The following JAKMIP1 variants were observed in gnomAD, a reference collection of about 807,000 sequenced individuals.
The protein encoded by JAKMIP1 is janus kinase and microtubule-interacting protein 1.
JAKMIP1 carries 33 observed loss-of-function variants against 113.0 expected under a neutral mutation model. The observed-to-expected ratio is 0.29, with a 90% CI of 0.22 to 0.39. JAKMIP1 has a LOEUF of 0.39. JAKMIP1 is among the 10% of genes least tolerant of loss of function. The pLI, the probability that JAKMIP1 is intolerant of heterozygous loss-of-function variation, is 1.00. For missense variants in JAKMIP1, 813 were observed against 1,080.5 expected, an observed-to-expected ratio of 0.75 and a Z score of 3.47; for synonymous variants, 480 against 459.9, an observed-to-expected ratio of 1.04 and a Z score of -0.56.
intron 18 of JAKMIP1, among the ~76,000 whole-genome samples, chr4:6,036,934 G>GCAGAGGC (rs1264613288): frequency 1.9e-4 from 29 of 150,548 alleles, no homozygotes; most frequent in African/African-American, 5.6e-4. Flanking sequence ...CATCACCGAG[G>GCAGAGGC]TAGAGGCTAA....
intron 3 of JAKMIP1, among the ~76,000 whole-genome samples, chr4:6,098,739 G>GAAAGA (rs11388120): frequency 0.065 from 498 of 7,658 alleles, 5 homozygotes; most frequent in Non-Finnish European, 0.086. Flanking sequence ...AGAAAGAGAA[G>GAAAGA]GAAGGAAGGA....
rs1553864698 is a variant in JAKMIP1 at position 6,183,506 on chromosome 4, A to AAATT, written c.-148+16743_-148+16746dup. 6.6e-6 allele frequency among the ~76,000 whole-genome samples: 1 copy of AAATT among 151,172 alleles called. No homozygotes were observed. Among genetic ancestry groups the AAATT allele is most frequent in the African/African-American group, 2.4e-5 (1 of 41,110 alleles). On this transcript the variant is annotated intron_variant, in intron 1 of 20. Coordinates refer to ENST00000409021, the MANE Select transcript of JAKMIP1 (RefSeq NM_001099433.2). This position sits in a 1 kb window ranked among gnomAD's most constrained non-coding sequence, Gnocchi z 5.3. ...TAAATAAATAAATAAATAAATAAATAAATTTAAAAAAGAAAGTAAAATGGA... is the reference window on the plus strand; with the variant it reads ...TAAATAAATAAATAAATAAATAAATAAATTAATTTAAAAAAGAAAGTAAAATGGA...
At chr4:6,085,758 T>G in intron 3 of JAKMIP1, 129 bp from the exon 4 acceptor site, 1 of 756,892 alleles carries the variant, frequency 1.3e-6, no homozygotes, top group Non-Finnish European at 2.2e-6. Flanking sequence ...CTGAATTCAG[T>G]AAACTCCAGA....
intron 18 of JAKMIP1, among the ~76,000 whole-genome samples, chr4:6,036,460 C>G (rs1403141563): frequency 6.6e-6 from 1 of 152,222 alleles, no homozygotes; most frequent in Non-Finnish European, 1.5e-5. Flanking sequence ...CCAATTGGCT[C>G]TCCTCACCCT....
At chr4:6,124,391 G>C (rs991658745) in intron 1 of JAKMIP1, among the ~76,000 whole-genome samples, 1 of 152,170 alleles carries the variant, frequency 6.6e-6, no homozygotes, top group African/African-American at 2.4e-5. Flanking sequence ...CCACGCTTAA[G>C]TGTGGCGGCT....
intron 1 of JAKMIP1, among the ~76,000 whole-genome samples, chr4:6,171,232 C>A (rs1724656312): frequency 6.6e-6 from 1 of 150,854 alleles, no homozygotes; most frequent in African/African-American, 2.4e-5. Flanking sequence ...CCACCATTCC[C>A]ACTGCCATAC....
In JAKMIP1 at chr4:6,194,856, A is replaced by G. The variant is rs1002129445; in HGVS notation, c.-148+5397T>C. ...GCCAGTTGGGAGTTTTAGGATGTGC[A>G]GTGGGTCCTGAGGATGCTTGCAAGC... On this transcript the variant is annotated intron_variant, in intron 1 of 20. Coordinates refer to ENST00000409021, the MANE Select transcript of JAKMIP1 (RefSeq NM_001099433.2). This position sits in a 1 kb window ranked among gnomAD's most constrained non-coding sequence, Gnocchi z 7.4. 6.6e-6 allele frequency among the ~76,000 whole-genome samples: 1 copy of G among 152,136 alleles called. No homozygotes were observed. Among genetic ancestry groups the G allele is most frequent in the African/African-American group, 2.4e-5 (1 of 41,432 alleles).
chr4:6,040,783 C>G lies in JAKMIP1; in HGVS notation c.2098-67G>C. 7.7e-7 allele frequency: 1 copy of G among 1,293,076 alleles called. No individual in the cohort carries two copies. The highest frequency in any genetic ancestry group is 1.2e-5 in the South Asian group (1 of 81,478). 80.1% of individuals were successfully genotyped at this position (1,293,076 alleles called of 1,614,324 possible). ...AGGAATCCATGACAGCTTCAGAGCC[C>G]GTTTGCTAGAGAGTGGCAGTCTCAC... On this transcript the variant is annotated intron_variant, in intron 17 of 20. Coordinates refer to ENST00000409021, the MANE Select transcript of JAKMIP1 (RefSeq NM_001099433.2). The surrounding 1 kb of genome is among the most constrained non-coding windows in gnomAD (Gnocchi z 5.8).
Position 6,080,371 on chromosome 4 carries a change from A to G in JAKMIP1, c.1102-59T>C, listed in dbSNP as rs1720331925. 3.1e-6 allele frequency: 5 copies of G among 1,590,106 alleles called. No homozygotes were observed. Among genetic ancestry groups the G allele is most frequent in the Non-Finnish European group, 4.3e-6 (5 of 1,167,166 alleles). On this transcript the variant is annotated intron_variant, in intron 6 of 20. Transcript: ENST00000409021. The surrounding 1 kb of genome is among the most constrained non-coding windows in gnomAD (Gnocchi z 6.0). ...TACCCGCCAACAGTGTTTGTTAGGGACAGTGCTGGAGTGGAGCTCAGGGGT... is the reference window on the plus strand; with the variant it reads ...TACCCGCCAACAGTGTTTGTTAGGGGCAGTGCTGGAGTGGAGCTCAGGGGT...
At position 6,148,184 on chromosome 4, in the gene JAKMIP1, T is replaced by C. The variant is rs149434610; in HGVS notation, c.-147-35187A>G. Among the ~76,000 whole-genome samples the C allele has an allele frequency of 5.3e-5, 8 of 152,340 alleles. No individual in the cohort carries two copies. In the East Asian group the frequency reaches 1.5e-3, roughly 29 times the overall value. Reference sequence around the variant, plus strand: ...TAACACATACCTGCTAACTGGACTCTCGTGTACCCCCAAGTTGAATAGCAG... The same window carrying C: ...TAACACATACCTGCTAACTGGACTCCCGTGTACCCCCAAGTTGAATAGCAG... On this transcript the variant is annotated intron_variant, in intron 1 of 20. Coordinates refer to ENST00000409021, the MANE Select transcript of JAKMIP1 (RefSeq NM_001099433.2).
Position 6,069,893 on chromosome 4 carries a change from A to C in JAKMIP1, c.1303-4885T>G, listed in dbSNP as rs1180248659. Among the ~76,000 whole-genome samples the C allele has an allele frequency of 2.0e-5, 3 of 151,930 alleles. No individual in the cohort carries two copies. Among genetic ancestry groups the C allele is most frequent in the African/African-American group, 7.3e-5 (3 of 41,362 alleles). On this transcript the variant is annotated intron_variant, in intron 8 of 20. Transcript: ENST00000409021. The surrounding 1 kb of genome is among the most constrained non-coding windows in gnomAD (Gnocchi z 4.5). Reference sequence around the variant, plus strand: ...GAGGGAAAAAGAGGAGGTACCCCCAAAACAAATAGCCCCCCAACCAGATCC... The same window carrying C: ...GAGGGAAAAAGAGGAGGTACCCCCACAACAAATAGCCCCCCAACCAGATCC...
rs529748415 is a variant in JAKMIP1 at position 6,031,665 on chromosome 4, C to T, written c.2380-1884G>A. On this transcript the variant is annotated intron_variant, in intron 19 of 20. Transcript: ENST00000409021. This position sits in a 1 kb window ranked among gnomAD's most constrained non-coding sequence, Gnocchi z 4.4. ...TGGGGTTGCCATGGGGAGCCAGTGA[C>T]GGGTTCTAAGCAGGGAAATGATGAG... Among the ~76,000 whole-genome samples the T allele has an allele frequency of 5.3e-5, 8 of 152,210 alleles. No individual in the cohort carries two copies. In the South Asian group the frequency reaches 6.2e-4, roughly 12 times the overall value.
At chr4:6,060,927 C>T (rs952930910) in intron 10 of JAKMIP1, among the ~76,000 whole-genome samples, 2 of 152,214 alleles carry the variant, frequency 1.3e-5, no homozygotes, top group African/African-American at 2.4e-5. Flanking sequence ...AATTGCATAG[C>T]CCCTGGCCCA....
chr4:6,034,257 C>G (rs1046663955), intron 19 of JAKMIP1, among the ~76,000 whole-genome samples: 1 of 118,508 alleles, frequency 8.4e-6, no homozygotes, highest in African/African-American at 4.8e-5. Context: ...GCATTGTCAT[C>G]ATCCCCATGA....
At position 6,093,663 on chromosome 4, in the gene JAKMIP1, C is replaced by T. The variant is rs1030394512; in HGVS notation, c.625-8034G>A. Among the ~76,000 whole-genome samples the T allele has an allele frequency of 5.3e-5, 8 of 152,184 alleles. No individual in the cohort carries two copies. The highest frequency in any genetic ancestry group is 1.9e-4 in the East Asian group (1 of 5,190). On this transcript the variant is annotated intron_variant, in intron 3 of 20. Transcript: ENST00000409021. The surrounding 1 kb of genome is among the most constrained non-coding windows in gnomAD (Gnocchi z 4.6). ...TTGAAGTTCAGGGTCCTGAACCAGA[C>T]ACCTCCTGTATTACAATGAATGATG...
intron 17 of JAKMIP1, among the ~76,000 whole-genome samples, chr4:6,041,452 TCTC>T (rs1257336285): frequency 1.3e-5 from 2 of 151,984 alleles, no homozygotes; most frequent in African/African-American, 2.4e-5. Flanking sequence ...CCTTCCTCCT[TCTC>T]CTCCCATTTC....
In JAKMIP1 at chr4:6,097,242, C is replaced by G. The variant is rs1711955165; in HGVS notation, c.624+8231G>C. Reference sequence around the variant, plus strand: ...AAACTCTCAGCCTCAAGCAATCCTCCCACCTCAGCCTCCTGATGTATTGGG... The same window carrying G: ...AAACTCTCAGCCTCAAGCAATCCTCGCACCTCAGCCTCCTGATGTATTGGG... On this transcript the variant is annotated intron_variant, in intron 3 of 20. Transcript: ENST00000409021. The surrounding 1 kb of genome is among the most constrained non-coding windows in gnomAD (Gnocchi z 4.3). 6.6e-6 allele frequency among the ~76,000 whole-genome samples: 1 copy of G among 152,216 alleles called. No individual in the cohort carries two copies. Among genetic ancestry groups the G allele is most frequent in the Non-Finnish European group, 1.5e-5 (1 of 68,034 alleles).
At position 6,157,191 on chromosome 4, in the gene JAKMIP1, G is replaced by GGACT. The variant is rs1722348036; in HGVS notation, c.-148+43058_-148+43061dup. Among the ~76,000 whole-genome samples the GGACT allele has an allele frequency of 6.6e-6, 1 of 152,158 alleles. No homozygotes were observed. Among genetic ancestry groups the GGACT allele is most frequent in the Non-Finnish European group, 1.5e-5 (1 of 68,032 alleles). On this transcript the variant is annotated intron_variant, in intron 1 of 20. Coordinates refer to ENST00000409021, the MANE Select transcript of JAKMIP1 (RefSeq NM_001099433.2). This position sits in a 1 kb window ranked among gnomAD's most constrained non-coding sequence, Gnocchi z 4.7. The stretch of plus-strand genomic sequence containing the variant: ...TGCCAGATGCAGGTCCCTCCACCAT[G>GGACT]GACTTCCCAGCCTCCAGAACTGTAA...
intron 19 of JAKMIP1, among the ~76,000 whole-genome samples, chr4:6,035,154 C>T (rs1038321392): frequency 2.6e-5 from 4 of 152,006 alleles, no homozygotes; most frequent in African/African-American, 9.7e-5. Flanking sequence ...TCTCTCTGCC[C>T]GCATCCCCCT....
Sources: allele counts gnomAD v4.1 joint callset (sites outside exome capture counted in the v4.1 genomes callset), GRCh38; gene constraint gnomAD v4.1.1; non-coding constraint Gnocchi (gnomAD v3.1); transcripts MANE v1.5; gene names NCBI Gene and HGNC (gene_info 2026-07-23, HGNC 2026-07-21).